ZNF521: variants seen among roughly 807,000 people sequenced by gnomAD.
The protein encoded by ZNF521 is LYST-interacting protein 3.
ZNF521 carries 14 observed loss-of-function variants against 105.5 expected under a neutral mutation model. The ratio of observed to expected loss-of-function variants is 0.13; its 90% CI spans 0.09 to 0.21. The LOEUF (loss-of-function observed/expected upper bound fraction) is 0.21, where lower values mean the gene tolerates loss of function less well. Ranked by LOEUF, ZNF521 falls within the 10% of genes least tolerant of loss-of-function variation. The pLI is 1.00. For missense variants in ZNF521, 1,233 were observed against 1,629.7 expected (o/e 0.76, Z 4.19); for synonymous variants, 635 against 606.0 (o/e 1.05, Z -0.70).
chr18:25,219,007 G>T (rs1905522299), intron 4 of ZNF521, among the ~76,000 whole-genome samples: 1 of 152,020 alleles, frequency 6.6e-6, no homozygotes, highest in Non-Finnish European at 1.5e-5. Flanking sequence ...TGAAGACAAT[G>T]AAGATGAAGG....
chr18:25,342,516 C>T (rs74548978), intron 2 of ZNF521, among the ~76,000 whole-genome samples: 16,340 of 118,440 alleles, frequency 0.14, 1,688 homozygotes, highest in Admixed American at 0.17. Context: ...GAAAGCTCCG[C>T]CTCCCAGGTT....
chr18:25,272,340 G>T (rs974475153), intron 3 of ZNF521, among the ~76,000 whole-genome samples: 1 of 152,182 alleles, frequency 6.6e-6, no homozygotes, highest in African/African-American at 2.4e-5. Flanking sequence ...CAACCATTGT[G>T]GAAGACAGTG....
chr18:25,300,061 G>A (rs898909064), intron 3 of ZNF521, among the ~76,000 whole-genome samples: 4 of 152,168 alleles, frequency 2.6e-5, no homozygotes, highest in Non-Finnish European at 4.4e-5. Flanking sequence ...GGCCTCAAGA[G>A]ACTGCAACTT....
chr18:25,120,879 C>A (rs1203020406), intron 5 of ZNF521, among the ~76,000 whole-genome samples: 1 of 152,104 alleles, frequency 6.6e-6, no homozygotes, highest in Non-Finnish European at 1.5e-5. Context: ...CACCTTCACT[C>A]TGCAGTAAGA....
At chr18:25,127,796 A>C (rs2034564925) in intron 5 of ZNF521, among the ~76,000 whole-genome samples, 1 of 152,036 alleles carries the variant, frequency 6.6e-6, no homozygotes, top group Non-Finnish European at 1.5e-5. Flanking sequence ...ATTAAAACAA[A>C]AAAATTAACC....
intron 3 of ZNF521, among the ~76,000 whole-genome samples, chr18:25,229,782 T>A (rs140841162): frequency 2.4e-3 from 363 of 152,332 alleles, no homozygotes; most frequent in African/African-American, 8.2e-3. Flanking sequence ...CAAACACATC[T>A]TCTCATTTAT....
intron 3 of ZNF521, chr18:25,231,471 C>A (rs1243363695): frequency 6.6e-6 from 1 of 152,176 alleles, no homozygotes; most frequent in Non-Finnish European, 1.5e-5. Context: ...CACAGAGTAC[C>A]TTTGTGACGT....
At chr18:25,249,343 G>A (rs982306786) in intron 3 of ZNF521, among the ~76,000 whole-genome samples, 14 of 151,680 alleles carry the variant, frequency 9.2e-5, no homozygotes, top group African/African-American at 2.9e-4. Context: ...ATTTTTAGTA[G>A]AGACAGGGTT....
intron 3 of ZNF521, among the ~76,000 whole-genome samples, chr18:25,285,725 C>T (rs1174953134): frequency 2.0e-5 from 3 of 150,376 alleles, no homozygotes; most frequent in Non-Finnish European, 4.4e-5. Flanking sequence ...CACACACACA[C>T]ACACACGTAC....
intron 5 of ZNF521, among the ~76,000 whole-genome samples, chr18:25,181,763 C>T (rs960375235): frequency 3.0e-4 from 46 of 152,146 alleles, no homozygotes; most frequent in Admixed American, 1.2e-3. Flanking sequence ...AAAGGACTGT[C>T]GTCACAGACT....
intron 3 of ZNF521, among the ~76,000 whole-genome samples, chr18:25,308,077 C>T (rs1011312084): frequency 6.6e-6 from 1 of 151,504 alleles, no homozygotes; most frequent in Non-Finnish European, 1.5e-5. Context: ...TGGTGCATGC[C>T]TATAATCCCA....
chr18:25,092,652 C>T (rs1211487968), intron 5 of ZNF521, among the ~76,000 whole-genome samples: 1 of 152,170 alleles, frequency 6.6e-6, no homozygotes, highest in African/African-American at 2.4e-5. Flanking sequence ...CTTCCTAGTT[C>T]ATCTCTCCCT....
chr18:25,244,599 C>T (rs1261399260), intron 3 of ZNF521, among the ~76,000 whole-genome samples: 1 of 152,216 alleles, frequency 6.6e-6, no homozygotes, highest in Admixed American at 6.5e-5. Flanking sequence ...TTAATGAAAA[C>T]TCAGAATTCA....
At chr18:25,075,313 C>T (rs532290029) in intron 7 of ZNF521, among the ~76,000 whole-genome samples, 11 of 152,338 alleles carry the variant, frequency 7.2e-5, no homozygotes, top group African/African-American at 2.6e-4. Flanking sequence ...AGCCACAACA[C>T]AGAAGGAGCT....
At chr18:25,179,116 CTTTT>C (rs1175859497) in intron 5 of ZNF521, among the ~76,000 whole-genome samples, 9 of 52,472 alleles carry the variant, frequency 1.7e-4, no homozygotes, top group Admixed American at 3.2e-4. Flanking sequence ...TTCTTTATTC[CTTTT>C]TTTTTTTTTT....
intron 3 of ZNF521, among the ~76,000 whole-genome samples, chr18:25,256,061 TG>T (rs1908480616): frequency 6.7e-6 from 1 of 148,754 alleles, no homozygotes; most frequent in African/African-American, 2.5e-5. Flanking sequence ...ATATGTAAAA[TG>T]GGATATTATT....
At chr18:25,257,366 G>T (rs1458236160) in intron 3 of ZNF521, among the ~76,000 whole-genome samples, 1 of 152,090 alleles carries the variant, frequency 6.6e-6, no homozygotes, top group Non-Finnish European at 1.5e-5. Flanking sequence ...GAGACCCCTG[G>T]ACAACAAGGA....
chr18:25,335,496 A>T (rs986111266), intron 2 of ZNF521, among the ~76,000 whole-genome samples: 1 of 152,150 alleles, frequency 6.6e-6, no homozygotes, highest in African/African-American at 2.4e-5. Flanking sequence ...ACCCGCACCC[A>T]ATACCCTTTT....
intron 4 of ZNF521, among the ~76,000 whole-genome samples, chr18:25,212,357 A>G (rs1876211363): frequency 6.6e-6 from 1 of 150,506 alleles, no homozygotes; most frequent in Non-Finnish European, 1.5e-5. Context: ...TAAAAATACA[A>G]AAATCAGCTG....
Sources: gnomAD v4.1 joint callset for allele counts (sites outside exome capture counted in the v4.1 genomes callset) on GRCh38, gnomAD v4.1.1 for gene constraint, MANE v1.5 for transcripts, NCBI Gene and HGNC (gene_info 2026-07-23, HGNC 2026-07-21) for gene names.